Variants in CFAP184 observed in about 807,000 individuals in gnomAD.
The protein encoded by CFAP184 is cilia and flagella associated protein 184.
the CFAP184 span, chr4:7,042,403 C>T: frequency 1.2e-6 from 2 of 1,612,168 alleles, no homozygotes; most frequent in East Asian, 2.2e-5. Context: ...GCTCTCCGCG[C>T]CGTCTCTCTG....
chr4:7,041,236 AT>A, the CFAP184 span: 7 of 1,530,958 alleles, frequency 4.6e-6, no homozygotes, highest in Admixed American at 1.3e-4. Context: ...CGTCCTGAGG[AT>A]GAAGTGTTTT....
chr4:7,041,462 T>G, the CFAP184 span: 1 of 1,614,200 alleles, frequency 6.2e-7, no homozygotes, highest in South Asian at 1.1e-5. Flanking sequence ...TTCAGTCTGA[T>G]GTTGTCCGTC....
chr4:7,041,232 G>A, the CFAP184 span: 6 of 1,527,972 alleles, frequency 3.9e-6, no homozygotes, highest in African/African-American at 1.4e-5. Context: ...AGCACGTCCT[G>A]AGGATGAAGT....
the CFAP184 span, chr4:7,042,686 C>T: frequency 2.0e-6 from 3 of 1,511,164 alleles, no homozygotes; most frequent in African/African-American, 4.2e-5. Context: ...CCCGGCTCTC[C>T]AGGCCCCTCC....
the CFAP184 span, chr4:7,042,788 C>A: frequency 6.4e-7 from 1 of 1,551,426 alleles, no homozygotes; most frequent in South Asian, 1.2e-5. Flanking sequence ...TGCTCCTCCT[C>A]CTCCTCCTCC....
chr4:7,042,509 G>C, the CFAP184 span: 3 of 1,608,862 alleles, frequency 1.9e-6, no homozygotes, highest in African/African-American at 2.7e-5. Flanking sequence ...GTCAGCGGCA[G>C]AGAGGCCTGG....
chr4:7,041,089 T>C, the CFAP184 span: 1 of 892,720 alleles, frequency 1.1e-6, no homozygotes, highest in Non-Finnish European at 1.5e-6. Flanking sequence ...CAATCCCAGA[T>C]AAAACTCCTA....
the CFAP184 span, chr4:7,041,861 G>T: frequency 6.2e-7 from 1 of 1,610,246 alleles, no homozygotes; most frequent in Non-Finnish European, 8.5e-7. Context: ...GCCTGGATCT[G>T]CTCCACCTCT....
the CFAP184 span, chr4:7,042,398 C>T: frequency 1.2e-6 from 2 of 1,612,286 alleles, no homozygotes; most frequent in Admixed American, 3.3e-5. Context: ...TCCTTGCTCT[C>T]CGCGCCGTCT....
At chr4:7,041,525 CGGCCTG>C in the CFAP184 span, 2 of 1,613,866 alleles carry the variant, frequency 1.2e-6, no homozygotes, top group South Asian at 2.2e-5. Flanking sequence ...CTTCCTAGGG[CGGCCTG>C]GGCCTCGATT....
chr4:7,042,357 G>A, the CFAP184 span: 2 of 1,609,808 alleles, frequency 1.2e-6, no homozygotes, highest in Non-Finnish European at 1.7e-6. Context: ...CCTCTTCCTG[G>A]CTTTTGGCCG....
At chr4:7,042,566 C>T in the CFAP184 span, 3 of 1,562,096 alleles carry the variant, frequency 1.9e-6, no homozygotes, top group Non-Finnish European at 2.6e-6. Context: ...TCCTCCGCCC[C>T]CGCCTCCGCC....
At chr4:7,041,765 T>C in the CFAP184 span, 7 of 1,613,330 alleles carry the variant, frequency 4.3e-6, no homozygotes, top group Non-Finnish European at 5.9e-6. Context: ...GTCCTCATCC[T>C]GGTTTCAAAA....
At chr4:7,042,712 G>A in the CFAP184 span, 11 of 1,513,656 alleles carry the variant, frequency 7.3e-6, no homozygotes, top group South Asian at 1.4e-4. Flanking sequence ...CGCAGCCTCG[G>A]CTGCCGTTAG....
At chr4:7,041,564 A>G in the CFAP184 span, 9 of 1,614,096 alleles carry the variant, frequency 5.6e-6, no homozygotes, top group South Asian at 4.4e-5. Context: ...GTCTTTTTGC[A>G]CGCGTTCTCC....
the CFAP184 span, chr4:7,041,835 C>T: frequency 1.2e-6 from 2 of 1,610,008 alleles, no homozygotes; most frequent in Non-Finnish European, 1.7e-6. Context: ...TCTCCTTCTC[C>T]TTTTTATCCT....
At chr4:7,042,818 CG>C in the CFAP184 span, 1 of 1,567,576 alleles carries the variant, frequency 6.4e-7, no homozygotes. Flanking sequence ...TCCAGCTCCC[CG>C]GGTTCGGGAG....
chr4:7,042,233 G>T, the CFAP184 span: 1 of 1,599,112 alleles, frequency 6.3e-7, no homozygotes, highest in South Asian at 1.1e-5. Flanking sequence ...CGCTCCACCA[G>T]CAGGGAACGG....
the CFAP184 span, chr4:7,042,089 A>G: frequency 1.4e-5 from 23 of 1,609,218 alleles, no homozygotes; most frequent in Non-Finnish European, 1.9e-5. Context: ...TGGCGCAGGT[A>G]CGCTTGCTCT....
Sources: allele counts gnomAD v4.1 joint callset, GRCh38; gene constraint gnomAD v4.1.1; transcripts MANE v1.5; gene names NCBI Gene and HGNC (gene_info 2026-07-23, HGNC 2026-07-21).